Variants in RELL1 observed in about 807,000 individuals in gnomAD.
RELL1 encodes RELT like 1.
RELL1 carries 10 observed loss-of-function variants against 23.0 expected under a neutral mutation model. The observed-to-expected ratio is 0.43, with a 90% CI of 0.27 to 0.74. The LOEUF (loss-of-function observed/expected upper bound fraction) is 0.74, where lower values mean the gene tolerates loss of function less well. Among genes scored for constraint, RELL1 ranks in the 30% least tolerant of loss-of-function variants. The pLI, the probability that RELL1 is intolerant of heterozygous loss-of-function variation, is 0.19. For missense variants in RELL1, 315 were observed against 364.4 expected, an observed-to-expected ratio of 0.86 and a Z score of 1.10; for synonymous variants, 146 against 146.8, an observed-to-expected ratio of 0.99 and a Z score of 0.04.
At chr4:37,605,783 GAGAAAGAA>G (rs1262913125), downstream of RELL1, among the ~76,000 whole-genome samples, 40 of 70,522 alleles carry the variant, frequency 5.7e-4, no homozygotes, top group Admixed American at 1.3e-3. Flanking sequence ...GAGAGAGAGA[GAGAAAGAA>G]AGAGAAAGAA....
At chr4:37,603,947 T>G in intron 6 of RELL1, among the ~76,000 whole-genome samples, 1 of 152,202 alleles carries the variant, frequency 6.6e-6, no homozygotes, top group South Asian at 2.1e-4. Flanking sequence ...GCCTCCCAAG[T>G]AGCTGGGACT....
chr4:37,616,935 G>A (rs189993174), intron 6 of RELL1, among the ~76,000 whole-genome samples: 2 of 152,304 alleles, frequency 1.3e-5, no homozygotes, highest in Non-Finnish European at 1.5e-5. Flanking sequence ...GGCAGATATC[G>A]ATTAATGGAA....
At chr4:37,681,965 A>C (rs909224417) in intron 1 of RELL1, among the ~76,000 whole-genome samples, 5 of 152,230 alleles carry the variant, frequency 3.3e-5, no homozygotes, top group African/African-American at 1.2e-4. Context: ...ACTCAAAAAA[A>C]TAGTTTAGTA....
chr4:37,590,313 G>A (rs767094811), downstream of RELL1: 11 of 1,613,702 alleles, frequency 6.8e-6, no homozygotes, highest in South Asian at 9.9e-5. Flanking sequence ...CGCTCCCACA[G>A]GGGGACGCTG....
chr4:37,654,748 G>T (rs1276517317), intron 1 of RELL1, among the ~76,000 whole-genome samples: 1 of 152,150 alleles, frequency 6.6e-6, no homozygotes, highest in Non-Finnish European at 1.5e-5. Context: ...GAAATAATAT[G>T]CACTATTTAA....
chr4:37,630,717 T>C (rs543460417), intron 6 of RELL1, among the ~76,000 whole-genome samples: 2 of 152,096 alleles, frequency 1.3e-5, no homozygotes, highest in South Asian at 2.1e-4. Flanking sequence ...AAAATTAAAA[T>C]TGCCAAATCA....
At chr4:37,628,290 T>C (rs1172786825) in intron 6 of RELL1, among the ~76,000 whole-genome samples, 8 of 152,162 alleles carry the variant, frequency 5.3e-5, no homozygotes. Context: ...TATCACATTC[T>C]TGCTGGTATC....
At chr4:37,634,454 A>T (rs1057172180) in intron 5 of RELL1, among the ~76,000 whole-genome samples, 5 of 152,082 alleles carry the variant, frequency 3.3e-5, no homozygotes, top group African/African-American at 9.7e-5. Flanking sequence ...CTCTTTCAAA[A>T]CCCCTCGTGA....
intron 1 of RELL1, among the ~76,000 whole-genome samples, chr4:37,684,295 C>T (rs907668822): frequency 3.3e-5 from 5 of 151,560 alleles, no homozygotes; most frequent in Admixed American, 6.6e-5. Context: ...CAAATTTGTG[C>T]TCTGTATCCT....
At position 37,664,480 on chromosome 4, in the gene RELL1, A is replaced by G. The variant is rs7668206; in HGVS notation, c.89-14980T>C. Among the ~76,000 whole-genome samples the G allele has an allele frequency of 1.6e-3, 247 of 152,304 alleles. 2 individuals are homozygous for G. The highest frequency in any genetic ancestry group is 5.5e-3 in the African/African-American group (228 of 41,558). On this transcript the variant is annotated intron_variant, in intron 1 of 6. Transcript: ENST00000454158. Reference sequence around the variant, plus strand: ...CTAGCTATTGAAAAGCACCTTATTCACAGATGCATGTGTTCACATTATTGC... The same window carrying G: ...CTAGCTATTGAAAAGCACCTTATTCGCAGATGCATGTGTTCACATTATTGC...
At chr4:37,634,840 G>T in intron 5 of RELL1, 47 bp downstream of exon 5, 2 of 1,491,222 alleles carry the variant, frequency 1.3e-6, no homozygotes, top group Non-Finnish European at 1.9e-6. Context: ...CCACACACCA[G>T]AGCACCCATG....
Position 37,612,333 on chromosome 4 carries a change from AAAAAACAAAAAAAAAC to A in RELL1, c.*997_*1012del, listed in dbSNP as rs1438094024. 2.5e-4 allele frequency among the ~76,000 whole-genome samples: 6 copies of A among 24,096 alleles called. No homozygotes were observed. The highest frequency in any genetic ancestry group is 5.8e-4 in the Admixed American group (1 of 1,714). The allele number at this position is 24,096 out of a possible 152,430, so 15.8% of individuals were successfully genotyped here. A position where few individuals can be genotyped will look rare whatever the true frequency, so the allele number is the denominator to read the frequency against. On this transcript the variant is annotated 3_prime_UTR_variant, in exon 7 of 7. Transcript: ENST00000454158. ...GCTCAGCTAAAGGTTAAAAAAAAAA[AAAAAACAAAAAAAAAC>A]AAAAAACCGGGTGCAGTGGCCCACG...
rs148176040 is a variant in RELL1 at position 37,599,144 on chromosome 4, C to T, written c.*4-7927G>A. Among the ~76,000 whole-genome samples, 96 of 152,238 alleles carry T rather than the reference C, an allele frequency of 6.3e-4. No individual in the cohort carries two copies. In the Middle Eastern group the frequency reaches 0.01, roughly 16 times the overall value. On this transcript the variant is annotated intron_variant, in intron 6 of 6. Coordinates refer to the RELL1 transcript ENST00000314117. ...ATTGGGATTAAAAGGGGGTTTTGTTCTGGTTCTAAGGAAGATTGTAATAAA... is the reference window on the plus strand; with the variant it reads ...ATTGGGATTAAAAGGGGGTTTTGTTTTGGTTCTAAGGAAGATTGTAATAAA...
intron 6 of RELL1, among the ~76,000 whole-genome samples, chr4:37,614,983 A>G (rs1229181550): frequency 6.6e-6 from 1 of 152,170 alleles, no homozygotes; most frequent in Admixed American, 6.5e-5. Context: ...TAAGCTAAAA[A>G]GGAGGGGCCT....
At position 37,649,497 on chromosome 4, in the gene RELL1, T is replaced by C. The variant is rs749359774; in HGVS notation, c.92A>G (p.Asn31Ser). 3.0e-5 allele frequency: 48 copies of C among 1,613,018 alleles called. 1 individual carries two copies. In the South Asian group the frequency reaches 5.1e-4, roughly 17 times the overall value. ...AVSSPLVAPD[N>S]GSSRTLHSRT... ...GGAGTGCAATGTGCGGCTGCTCCCA[T>C]TGTCTACAGAAAGAAACATGCATGC... The change falls in exon 2 of 7, where the codon AAT (asparagine) becomes AGT (serine). Residue 31 changes from asparagine (N) to serine (S), a missense_variant. Coordinates refer to ENST00000454158, the MANE Select transcript of RELL1 (RefSeq NM_001085400.2).
intron 1 of RELL1, among the ~76,000 whole-genome samples, chr4:37,682,979 T>C (rs530925701): frequency 6.6e-6 from 1 of 152,264 alleles, no homozygotes; most frequent in African/African-American, 2.4e-5. Flanking sequence ...ACGTGGAAAA[T>C]CATCCCTTTG....
At chr4:37,615,972 T>G (rs1352912117) in intron 6 of RELL1, among the ~76,000 whole-genome samples, 1 of 151,678 alleles carries the variant, frequency 6.6e-6, no homozygotes, top group Non-Finnish European at 1.5e-5. Flanking sequence ...TAAAAAGGAT[T>G]CTCTAGAAAA....
At chr4:37,622,334 C>A (rs1719796685) in intron 6 of RELL1, among the ~76,000 whole-genome samples, 1 of 152,220 alleles carries the variant, frequency 6.6e-6, no homozygotes. Context: ...ACATAGTGAA[C>A]ACTGATCACA....
rs896327763 is a variant in RELL1 at position 37,618,848 on chromosome 4, T to C, written c.*4-5506A>G. Among the ~76,000 whole-genome samples the C allele has an allele frequency of 3.3e-5, 5 of 151,954 alleles. No homozygotes were observed. In the East Asian group the frequency reaches 9.7e-4, roughly 29 times the overall value. Reference sequence around the variant, plus strand: ...CCATCTCCCTGCACCCTCTTGATTTTTGTTTGGTTGGTTGGTCGTTTTTCT... The same window carrying C: ...CCATCTCCCTGCACCCTCTTGATTTCTGTTTGGTTGGTTGGTCGTTTTTCT... On this transcript the variant is annotated intron_variant, in intron 6 of 6. Transcript: ENST00000454158.
Sources: allele counts gnomAD v4.1 joint callset (sites outside exome capture counted in the v4.1 genomes callset), GRCh38; gene constraint gnomAD v4.1.1; transcripts MANE v1.5; gene names NCBI Gene and HGNC (gene_info 2026-07-23, HGNC 2026-07-21).